The following HEATR3 variants were observed in gnomAD, a reference collection of about 807,000 sequenced individuals.
HEATR3 encodes HEAT repeat-containing protein 3.
Under a neutral mutation model 72.8 loss-of-function variants are expected in HEATR3, and 56 were observed. The ratio of observed to expected loss-of-function variants is 0.77; its 90% confidence interval spans 0.62 to 0.96. HEATR3 has a LOEUF of 0.96. HEATR3 is among the 40% of genes least tolerant of loss of function. The probability of loss-of-function intolerance (pLI) is 0.00; values close to 1 mark genes in which losing one functional copy is unlikely to be tolerated. For missense variants in HEATR3, 747 were observed against 831.4 expected (o/e 0.90, Z 1.25); for synonymous variants, 331 against 318.1 (o/e 1.04, Z -0.43).
At chr16:50,094,580 TTG>T in intron 11 of HEATR3, 123 bp from the exon 12 acceptor site, 2 of 428,610 alleles carry the variant, frequency 4.7e-6, no homozygotes, top group Non-Finnish European at 4.1e-6. Context: ...GGGTTTTTTT[TTG>T]TTTGTTTGTT....
In HEATR3 at chr16:50,100,310, T is replaced by A; in HGVS notation, c.1680T>A (p.Val560=). The A allele has an allele frequency of 6.2e-7, 1 of 1,614,048 alleles. No individual in the cohort carries two copies. Among genetic ancestry groups the A allele is most frequent in the Admixed American group, 1.7e-5 (1 of 60,018 alleles). Residue 560 remains valine (V), a synonymous_variant, in exon 13 of 15, where the codon GTT becomes GTA. Transcript: ENST00000299192. The stretch of plus-strand genomic sequence containing the variant: ...ATGTCGGGGTTAGAGTGAATGTCGT[T>A]AGCATTTTAGGAATCACTGGCAGCG... ...SSNVGVRVNV[V]SILGITGSVL... is the part of the protein sequence containing the mutation.
intron 2 of HEATR3, 42 bp downstream of exon 2, chr16:50,066,581 C>A: frequency 7.9e-7 from 1 of 1,264,876 alleles, no homozygotes; most frequent in Non-Finnish European, 9.9e-7. Flanking sequence ...CCGCTGGCCT[C>A]CCCCGCGTCT....
At chr16:50,092,290 C>T (rs979660784) in intron 11 of HEATR3, among the ~76,000 whole-genome samples, 2 of 151,988 alleles carry the variant, frequency 1.3e-5, no homozygotes, top group African/African-American at 4.8e-5. Flanking sequence ...AACAACTTCA[C>T]TCTGATTTTT....
At chr16:50,103,178 A>G (rs951367118) in intron 14 of HEATR3, among the ~76,000 whole-genome samples, 1 of 152,250 alleles carries the variant, frequency 6.6e-6, no homozygotes, top group Non-Finnish European at 1.5e-5. Context: ...ATTAATAGTT[A>G]GAGTCATCAA....
At chr16:50,071,832 T>C (rs2036619575) in intron 4 of HEATR3, among the ~76,000 whole-genome samples, 1 of 152,252 alleles carries the variant, frequency 6.6e-6, no homozygotes, top group African/African-American at 2.4e-5. Context: ...GGATATTTCC[T>C]CTGGAAACAT....
At chr16:50,078,676 G>GA in intron 6 of HEATR3, 65 bp from the exon 7 acceptor site, 4 of 1,505,416 alleles carry the variant, frequency 2.7e-6, no homozygotes, top group Non-Finnish European at 3.6e-6. Context: ...CCAGTCTTGT[G>GA]AAAACTTAAA....
chr16:50,099,981 C>A (rs528371574), intron 12 of HEATR3, among the ~76,000 whole-genome samples: 2 of 152,244 alleles, frequency 1.3e-5, no homozygotes, highest in East Asian at 3.9e-4. Flanking sequence ...AAGTCTTCAT[C>A]AAATTAAATG....
chr16:50,079,277 A>G (rs1419157202), intron 7 of HEATR3, among the ~76,000 whole-genome samples: 1 of 152,218 alleles, frequency 6.6e-6, no homozygotes, highest in African/African-American at 2.4e-5. Flanking sequence ...TCCTTTTGGA[A>G]CACTTTAGAA....
intron 10 of HEATR3, 41 bp downstream of exon 10, chr16:50,084,692 T>C (rs1233283578): frequency 1.4e-6 from 2 of 1,427,782 alleles, no homozygotes; most frequent in Non-Finnish European, 2.0e-6. Context: ...GTCATTATTT[T>C]ATTTTATGAA....
At chr16:50,093,411 G>T (rs1170866908) in intron 11 of HEATR3, among the ~76,000 whole-genome samples, 1 of 152,190 alleles carries the variant, frequency 6.6e-6, no homozygotes, top group East Asian at 1.9e-4. Flanking sequence ...TAGGCCAGTG[G>T]TTCTCAACCA....
intron 12 of HEATR3, among the ~76,000 whole-genome samples, chr16:50,097,328 T>TTATTAGCTATGATTTTTTTTTTTTTC: frequency 9.5e-6 from 1 of 105,730 alleles, no homozygotes; most frequent in Non-Finnish European, 1.9e-5. Context: ...TTTTTTTTTT[T>TTATTAGCTATGATTTTTTTTTTTTTC]ACATTTATTA....
chr16:50,082,895 A>T (rs1426899279), intron 7 of HEATR3, among the ~76,000 whole-genome samples: 3 of 151,590 alleles, frequency 2.0e-5, no homozygotes, highest in African/African-American at 7.3e-5. Context: ...GGTTCAAGGG[A>T]TTCTCCTGCC....
Position 50,094,803 on chromosome 16 carries a change from T to C in HEATR3, c.1599+10T>C, listed in dbSNP as rs1307621564. The C allele has an allele frequency of 1.3e-6, 2 of 1,555,456 alleles. No homozygotes were observed. Among genetic ancestry groups the C allele is most frequent in the East Asian group, 2.3e-5 (1 of 43,662 alleles). On this transcript the variant is annotated intron_variant, in intron 12 of 14. Transcript: ENST00000299192. ...CAAGAACATTTCCCAGGTAAGAGTT[T>C]TAAAATTTTTTGTATGAAACTTGTA...
intron 6 of HEATR3, among the ~76,000 whole-genome samples, chr16:50,078,257 C>G (rs1296290369): frequency 6.6e-6 from 1 of 151,824 alleles, no homozygotes; most frequent in Non-Finnish European, 1.5e-5. Context: ...TTTGTAGTAA[C>G]TTAAAAAAAA....
chr16:50,084,162 TTC>T lies in HEATR3; in HGVS notation c.1163_1164del (p.Ser388Ter), dbSNP rs762912633. 28 of 1,614,050 alleles carry T rather than the reference TTC, an allele frequency of 1.7e-5. No individual in the cohort carries two copies. Among genetic ancestry groups the T allele is most frequent in the Non-Finnish European group, 2.4e-5 (28 of 1,180,034 alleles). On this transcript the variant is annotated frameshift_variant, in exon 9 of 15. Coordinates refer to ENST00000299192, the MANE Select transcript of HEATR3 (RefSeq NM_182922.4). LOFTEE classifies it high-confidence loss of function. ...DPSDDEWEEL[S>X]SSDESDAFME... is the part of the protein sequence containing the mutation. ...CCTCTGATGACGAATGGGAAGAGCT[TTC>T]TAGCAGTGATGAAAGTGACGCATTT...
At chr16:50,080,453 GCCTTAGCCTC>G (rs1202017762) in intron 7 of HEATR3, among the ~76,000 whole-genome samples, 2 of 150,468 alleles carry the variant, frequency 1.3e-5, no homozygotes, top group Non-Finnish European at 3.0e-5. Flanking sequence ...CAATTCTCCT[GCCTTAGCCTC>G]CCAAGTAGCT....
At chr16:50,089,582 A>G (rs527342749) in intron 11 of HEATR3, among the ~76,000 whole-genome samples, 84 of 152,288 alleles carry the variant, frequency 5.5e-4, no homozygotes, top group African/African-American at 2.0e-3. Context: ...AAGTAGTGTC[A>G]TTGTTATTTA....
intron 11 of HEATR3, among the ~76,000 whole-genome samples, chr16:50,089,376 GTTACTTCCA>G (rs2037058205): frequency 7.8e-6 from 1 of 127,498 alleles, no homozygotes. Flanking sequence ...CATGTGCTCA[GTTACTTCCA>G]GGGATTGGTA....
intron 11 of HEATR3, among the ~76,000 whole-genome samples, chr16:50,088,740 C>T (rs923401345): frequency 1.3e-5 from 2 of 152,192 alleles, no homozygotes; most frequent in Non-Finnish European, 2.9e-5. Flanking sequence ...TGCCCACCCC[C>T]ACCCATTCCC....
Sources: gnomAD v4.1 joint callset for allele counts (sites outside exome capture counted in the v4.1 genomes callset) on GRCh38, gnomAD v4.1.1 for gene constraint, MANE v1.5 for transcripts, NCBI Gene and HGNC (gene_info 2026-07-23, HGNC 2026-07-21) for gene names.